Variants in TMEM131L observed in about 807,000 individuals in gnomAD.
TMEM131L encodes transmembrane protein 131-like.
A neutral mutation model predicts 192.2 loss-of-function variants in TMEM131L; 54 were observed. The ratio of observed to expected loss-of-function variants is 0.28; its 90% CI spans 0.23 to 0.35. The LOEUF is 0.35. TMEM131L is among the 10% of genes least tolerant of loss of function. The probability of loss-of-function intolerance (pLI) is 1.00; values close to 1 mark genes in which losing one functional copy is unlikely to be tolerated. For synonymous variants in TMEM131L, 701 were observed against 704.9 expected, an observed-to-expected ratio of 0.99 and a Z score of 0.09; for missense variants, 1,888 against 1,972.9, an observed-to-expected ratio of 0.96 and a Z score of 0.82.
intron 25 of TMEM131L, among the ~76,000 whole-genome samples, chr4:153,611,338 T>G (rs1182166061): frequency 6.6e-6 from 1 of 152,220 alleles, no homozygotes; most frequent in Non-Finnish European, 1.5e-5. Context: ...ATAAGAAAAC[T>G]AAGGCACAGG....
intron 4 of TMEM131L, among the ~76,000 whole-genome samples, chr4:153,551,599 G>A (rs1580196288): frequency 6.6e-6 from 1 of 151,886 alleles, no homozygotes; most frequent in African/African-American, 2.4e-5. Context: ...CAAGTGATAC[G>A]CCCTCCTTGG....
chr4:153,602,268 T>C lies in TMEM131L; in HGVS notation c.2383T>C (p.Tyr795His), dbSNP rs1561232224. 6.2e-7 allele frequency: 1 copy of C among 1,613,756 alleles called. No homozygotes were observed. The highest frequency in any genetic ancestry group is 1.7e-5 in the Admixed American group (1 of 59,888). Residue 795 changes from tyrosine (Y) to histidine (H), a missense_variant, in exon 22 of 35, where the codon TAT becomes CAT. Physicochemically the swap from Tyr to His is moderately conservative, Grantham distance 83. Transcript: ENST00000409959. ...AATTAATGGGTATAACTGCCAAGGT[T>C]ATGGATTCGAGGTGCTGGATTGTCA... ...LKINGYNCQG[Y>H]GFEVLDCHQF...
At position 153,554,697 on chromosome 4, in the gene TMEM131L, A is replaced by G. The variant is rs181215729; in HGVS notation, c.309-1090A>G. Among the ~76,000 whole-genome samples the G allele has an allele frequency of 2.6e-5, 4 of 152,362 alleles. No homozygotes were observed. The East Asian group carries it at 7.7e-4, about 29-fold the overall frequency. On this transcript the variant is annotated intron_variant, in intron 4 of 34. Transcript: ENST00000409959. Reference sequence around the variant, plus strand: ...TCTAGGCCATCCGAATGACAGCTGTATATTTGGCTCTCTCTGCCACTGAGG... The same window carrying G: ...TCTAGGCCATCCGAATGACAGCTGTGTATTTGGCTCTCTCTGCCACTGAGG...
At chr4:153,561,266 T>C (rs1165235359) in intron 7 of TMEM131L, among the ~76,000 whole-genome samples, 2 of 152,230 alleles carry the variant, frequency 1.3e-5, no homozygotes, top group African/African-American at 2.4e-5. Flanking sequence ...ATGTATTAAA[T>C]TCTGGACATT....
At chr4:153,509,493 G>A (rs1450657901) in intron 3 of TMEM131L, among the ~76,000 whole-genome samples, 10 of 152,182 alleles carry the variant, frequency 6.6e-5, no homozygotes, top group African/African-American at 2.4e-4. Flanking sequence ...TTAGGAGGCC[G>A]AAGTGGGCAG....
chr4:153,582,840 A>G (rs1353121024), intron 9 of TMEM131L, among the ~76,000 whole-genome samples: 1 of 152,160 alleles, frequency 6.6e-6, no homozygotes, highest in Non-Finnish European at 1.5e-5. Context: ...GGAGCTTTCT[A>G]ATCAACAGGA....
intron 3 of TMEM131L, among the ~76,000 whole-genome samples, chr4:153,523,540 A>G (rs1735264104): frequency 6.6e-6 from 1 of 152,156 alleles, no homozygotes; most frequent in Non-Finnish European, 1.5e-5. Flanking sequence ...AAAGAAGGGG[A>G]AGTCTTTGAG....
chr4:153,554,064 T>C (rs899177397), intron 4 of TMEM131L: 3 of 152,240 alleles, frequency 2.0e-5, no homozygotes, highest in African/African-American at 7.2e-5. Context: ...ATTTGTATTC[T>C]TAGAAACCTT....
intron 26 of TMEM131L, among the ~76,000 whole-genome samples, chr4:153,615,754 A>T (rs146686821): frequency 6.4e-4 from 98 of 152,184 alleles, no homozygotes; most frequent in African/African-American, 2.3e-3. Context: ...GTGTGCTGGG[A>T]GGAGAGGCTG....
At position 153,528,946 on chromosome 4, in the gene TMEM131L, C is replaced by T. The variant is rs547827156; in HGVS notation, c.240-21127C>T. ...GGCACCCTTTCGGTAGGGTAAGTTT[C>T]TGTGGGTCTGGCCTCCGAGAGTTGT... On this transcript the variant is annotated intron_variant, in intron 3 of 34. Coordinates refer to ENST00000409959, the MANE Select transcript of TMEM131L (RefSeq NM_001131007.2). 3.5e-4 allele frequency among the ~76,000 whole-genome samples: 54 copies of T among 152,254 alleles called. 1 individual carries two copies. The highest frequency in any genetic ancestry group is 1.3e-3 in the African/African-American group (52 of 41,562).
chr4:153,543,039 G>GCCT (rs1270603791), intron 3 of TMEM131L, among the ~76,000 whole-genome samples: 1 of 152,198 alleles, frequency 6.6e-6, no homozygotes, highest in Admixed American at 6.5e-5. Context: ...TAGCGAGAGC[G>GCCT]CCTCCAACAG....
chr4:153,476,206 G>T (rs1469483051), intron 3 of TMEM131L, among the ~76,000 whole-genome samples: 1 of 152,098 alleles, frequency 6.6e-6, no homozygotes, highest in East Asian at 1.9e-4. Flanking sequence ...TTATCCGCCG[G>T]CCTCAGCCTC....
At chr4:153,531,711 A>G (rs778596230) in intron 3 of TMEM131L, among the ~76,000 whole-genome samples, 2 of 152,250 alleles carry the variant, frequency 1.3e-5, no homozygotes, top group Non-Finnish European at 2.9e-5. Flanking sequence ...GAAAAAGACA[A>G]TGGAAGTTAT....
intron 25 of TMEM131L, 28 bp from the exon 26 acceptor site, chr4:153,612,224 G>C (rs1732670709): frequency 2.0e-6 from 3 of 1,488,702 alleles, no homozygotes; most frequent in Non-Finnish European, 1.8e-6. Flanking sequence ...CTATTAGCTA[G>C]AAATTGAATT....
At chr4:153,621,407 G>C (rs990986861) in intron 27 of TMEM131L, among the ~76,000 whole-genome samples, 4 of 152,190 alleles carry the variant, frequency 2.6e-5, no homozygotes, top group Admixed American at 2.0e-4. Context: ...GGTTTGACAA[G>C]CTGGTAAGGG....
At chr4:153,503,697 C>T (rs947080152) in intron 3 of TMEM131L, among the ~76,000 whole-genome samples, 11 of 152,210 alleles carry the variant, frequency 7.2e-5, no homozygotes, top group East Asian at 3.9e-4. Context: ...CTGAGTTAGA[C>T]GGGGTTTTAC....
At chr4:153,482,790 G>A (rs1227692392) in intron 3 of TMEM131L, among the ~76,000 whole-genome samples, 1 of 151,956 alleles carries the variant, frequency 6.6e-6, no homozygotes, top group Non-Finnish European at 1.5e-5. Flanking sequence ...GTAGAGATGA[G>A]GTCTTCCTAT....
intron 3 of TMEM131L, among the ~76,000 whole-genome samples, chr4:153,487,314 C>G (rs939270737): frequency 5.9e-5 from 9 of 152,102 alleles, no homozygotes; most frequent in African/African-American, 2.2e-4. Flanking sequence ...TTTATCAAAC[C>G]TAGAATCCGT....
chr4:153,634,460 T>A, intron 33 of TMEM131L, 180 bp downstream of exon 33: 1 of 532,922 alleles, frequency 1.9e-6, no homozygotes, highest in South Asian at 2.5e-5. Flanking sequence ...TATAATTTTA[T>A]ATGACCCTCA....
Sources: gnomAD v4.1 joint callset for allele counts (sites outside exome capture counted in the v4.1 genomes callset) on GRCh38, gnomAD v4.1.1 for gene constraint, MANE v1.5 for transcripts, NCBI Gene and HGNC (gene_info 2026-07-23, HGNC 2026-07-21) for gene names.